Variants in PDIA6 observed in about 807,000 individuals in gnomAD.
The protein encoded by PDIA6 is protein disulfide-isomerase A6.
Under a neutral mutation model 58.4 loss-of-function variants are expected in PDIA6, and 29 were observed. That is an observed-to-expected ratio of 0.50 (90% confidence interval 0.37 to 0.68). PDIA6 has a LOEUF of 0.68. Ranked by LOEUF, PDIA6 falls within the 30% of genes least tolerant of loss-of-function variation. PDIA6 has a pLI of 0.00. For missense variants in PDIA6, 480 were observed against 551.0 expected, an observed-to-expected ratio of 0.87 and a Z score of 1.29; for synonymous variants, 192 against 202.6, an observed-to-expected ratio of 0.95 and a Z score of 0.44.
At chr2:10,808,839 T>C (rs1194967455) in intron 1 of PDIA6, among the ~76,000 whole-genome samples, 1 of 152,242 alleles carries the variant, frequency 6.6e-6, no homozygotes, top group East Asian at 1.9e-4. Flanking sequence ...TTTTTCTTTT[T>C]TTTTGAGACG....
intron 1 of PDIA6, chr2:10,821,190 TGAAA>T: frequency 3.9e-6 from 1 of 259,460 alleles, no homozygotes; most frequent in East Asian, 9.7e-5. Flanking sequence ...ACCTCTCAGT[TGAAA>T]TTAATCATGG....
At chr2:10,833,233 C>T (rs1558468036), upstream of PDIA6, among the ~76,000 whole-genome samples, 1 of 152,192 alleles carries the variant, frequency 6.6e-6, no homozygotes, top group Non-Finnish European at 1.5e-5. Context: ...TCACTTTGGC[C>T]AGGCTGGCTC....
intron 10 of PDIA6, among the ~76,000 whole-genome samples, chr2:10,788,003 T>C (rs1572650040): frequency 7.0e-6 from 1 of 143,620 alleles, no homozygotes; most frequent in Admixed American, 7.6e-5. Context: ...GAGGCGGAGG[T>C]TGCAGTAAGC....
At chr2:10,807,788 CA>C (rs1485758280) in intron 1 of PDIA6, among the ~76,000 whole-genome samples, 1 of 152,170 alleles carries the variant, frequency 6.6e-6, no homozygotes, top group Non-Finnish European at 1.5e-5. Context: ...CTCCATCATA[CA>C]ACACGTTCAA....
At chr2:10,820,287 T>C (rs542552246) in intron 1 of PDIA6, among the ~76,000 whole-genome samples, 2 of 152,282 alleles carry the variant, frequency 1.3e-5, no homozygotes, top group South Asian at 4.2e-4. Context: ...GGGGAGGTGG[T>C]GTCTGATCTA....
rs1284530856 is a variant in PDIA6 at position 10,806,065 on chromosome 2, A to G, written c.20-3425T>C. On this transcript the variant is annotated intron_variant, in intron 1 of 12. Transcript: ENST00000272227. ...AAAAACGAAAAAAACCTTACAGAAT[A>G]CGGATATAAAAGAAAATACTGGCCA... 2.0e-5 allele frequency among the ~76,000 whole-genome samples: 3 copies of G among 149,882 alleles called. No individual in the cohort carries two copies. The Admixed American group carries it at 2.0e-4, about 10-fold the overall frequency.
At chr2:10,790,168 G>A (rs1216753286) in intron 7 of PDIA6, among the ~76,000 whole-genome samples, 1 of 149,672 alleles carries the variant, frequency 6.7e-6, no homozygotes, top group East Asian at 1.9e-4. Flanking sequence ...TAATAGAGAC[G>A]GGGTTTCACC....
chr2:10,790,843 A>T lies in PDIA6; in HGVS notation c.585-10T>A. On this transcript the variant is annotated splice_polypyrimidine_tract_variant and intron_variant, in intron 6 of 12. Transcript: ENST00000272227. ...CCACTCTGGCTCTAGGCTATAGAAA[A>T]ATATTCGTTTTGTTTTGTTTCTTTG... 1 of 1,601,242 alleles carries T rather than the reference A, an allele frequency of 6.2e-7. No homozygotes were observed. Among genetic ancestry groups the T allele is most frequent in the Non-Finnish European group, 8.6e-7 (1 of 1,168,752 alleles).
intron 4 of PDIA6, among the ~76,000 whole-genome samples, chr2:10,796,681 CTA>C (rs1339868343): frequency 7.8e-6 from 1 of 128,952 alleles, no homozygotes; most frequent in African/African-American, 2.6e-5. Context: ...GTTTAGGAGA[CTA>C]AGACTCTCAA....
At chr2:10,794,927 G>GAACAA (rs538566355) in intron 4 of PDIA6, among the ~76,000 whole-genome samples, 1 of 151,868 alleles carries the variant, frequency 6.6e-6, no homozygotes, top group African/African-American at 2.4e-5. Context: ...ACTCCATCTC[G>GAACAA]AACAAAACAA....
At chr2:10,791,540 C>T (rs1029696517) in intron 6 of PDIA6, among the ~76,000 whole-genome samples, 7 of 152,206 alleles carry the variant, frequency 4.6e-5, no homozygotes, top group African/African-American at 1.7e-4. Context: ...AGATACAATG[C>T]TACCCTTCAC....
intron 1 of PDIA6, among the ~76,000 whole-genome samples, chr2:10,825,873 T>C (rs1667542119): frequency 1.3e-5 from 2 of 152,200 alleles, no homozygotes; most frequent in African/African-American, 4.8e-5. Flanking sequence ...CAACACCGGC[T>C]TTTGGGAATG....
rs530163009 is a variant in PDIA6 at position 10,804,184 on chromosome 2, A to G, written c.20-1544T>C. Among the ~76,000 whole-genome samples, 4 of 152,184 alleles carry G rather than the reference A, an allele frequency of 2.6e-5. No individual in the cohort carries two copies. In the South Asian group the frequency reaches 8.3e-4, roughly 32 times the overall value. On this transcript the variant is annotated intron_variant, in intron 1 of 12. Coordinates refer to ENST00000272227, the MANE Select transcript of PDIA6 (RefSeq NM_005742.4). ...CGGCCTCCCAAAGTGCTGGGATTAC[A>G]GGCGTGAGCCACCGTGCCCGGCCCT...
chr2:10,800,645 G>C (rs1666469567), intron 2 of PDIA6, among the ~76,000 whole-genome samples: 1 of 150,214 alleles, frequency 6.7e-6, no homozygotes, highest in Admixed American at 6.7e-5. Context: ...CTGTTGCCCA[G>C]GCTGGAGTGC....
chr2:10,822,800 CA>C (rs1414397251), intron 1 of PDIA6, among the ~76,000 whole-genome samples: 1 of 152,196 alleles, frequency 6.6e-6, no homozygotes, highest in East Asian at 1.9e-4. Context: ...GTGGCCACTC[CA>C]AAAGTGAGGT....
intron 1 of PDIA6, among the ~76,000 whole-genome samples, chr2:10,807,263 C>G (rs1325110300): frequency 6.6e-6 from 1 of 152,160 alleles, no homozygotes; most frequent in Non-Finnish European, 1.5e-5. Flanking sequence ...GACTGGAGTG[C>G]AATGGTGCAA....
chr2:10,817,595 G>C (rs1667237165), upstream of PDIA6, among the ~76,000 whole-genome samples: 1 of 152,084 alleles, frequency 6.6e-6, no homozygotes, highest in Non-Finnish European at 1.5e-5. Flanking sequence ...GGCGCCCAAG[G>C]CCTTGCCAAT....
At chr2:10,824,729 C>T (rs571056874) in intron 1 of PDIA6, among the ~76,000 whole-genome samples, 28 of 152,372 alleles carry the variant, frequency 1.8e-4, no homozygotes, top group African/African-American at 6.5e-4. Flanking sequence ...GAGACAATAC[C>T]TGATCAGTGT....
chr2:10,822,840 C>T (rs548053697), intron 1 of PDIA6, among the ~76,000 whole-genome samples: 88 of 152,322 alleles, frequency 5.8e-4, no homozygotes, highest in Middle Eastern at 3.4e-3. Context: ...TGTTGCCTCT[C>T]TAGCAAGTCT....
Sources: allele counts gnomAD v4.1 joint callset (sites outside exome capture counted in the v4.1 genomes callset), GRCh38; gene constraint gnomAD v4.1.1; transcripts MANE v1.5; gene names NCBI Gene and HGNC (gene_info 2026-07-23, HGNC 2026-07-21).